Variants in SYNDIG1 observed in about 807,000 individuals in gnomAD.
The protein encoded by SYNDIG1 is synapse differentiation-inducing gene protein 1.
A neutral mutation model predicts 19.4 loss-of-function variants in SYNDIG1; 9 were observed. That is an observed-to-expected ratio of 0.46 (90% CI 0.28 to 0.81). The LOEUF (loss-of-function observed/expected upper bound fraction) is 0.81, where lower values mean the gene tolerates loss of function less well. SYNDIG1 is among the 30% of genes least tolerant of loss of function. The probability of loss-of-function intolerance (pLI) is 0.12; values close to 1 mark genes in which losing one functional copy is unlikely to be tolerated. For missense variants in SYNDIG1, 311 were observed against 343.3 expected, an observed-to-expected ratio of 0.91 and a Z score of 0.74; for synonymous variants, 141 against 145.9, an observed-to-expected ratio of 0.97 and a Z score of 0.24.
rs140037141 is a variant in SYNDIG1, at chr20:24,543,261, C to A, written c.164C>A (p.Ala55Asp). Residue 55 changes from alanine to aspartate, a missense_variant, in exon 2 of 4, where the codon GCC becomes GAC. Coordinates refer to ENST00000376862, the MANE Select transcript of SYNDIG1 (RefSeq NM_024893.3). ...APQYQSHRVG[A>D]STVPASLDSS... ...CAGTACCAGAGCCACCGGGTGGGGG[C>A]CAGCACAGTGCCGGCCAGCCTGGAC... 6.9e-5 allele frequency: 112 copies of A among 1,613,698 alleles called. No homozygotes were observed. In the African/African-American group the frequency reaches 1.3e-3, roughly 19 times the overall value.
Position 24,560,063 on chromosome 20 carries a change from C to CTTT in SYNDIG1, c.480+16512_480+16514dup, listed in dbSNP as rs60892856. On this transcript the variant is annotated intron_variant, in intron 2 of 3. Coordinates refer to ENST00000376862, the MANE Select transcript of SYNDIG1 (RefSeq NM_024893.3). ...TTTTTTTTAACATTTCTCTCCTCTC[C>CTTT]TTTTTTTTTTTTTTTTTTTTTTTTT... is the stretch of plus-strand genomic sequence containing the variant. 4.1e-3 allele frequency among the ~76,000 whole-genome samples: 178 copies of CTTT among 43,040 alleles called. 61 individuals are homozygous for CTTT. Among genetic ancestry groups the CTTT allele is most frequent in the African/African-American group, 9.1e-3 (61 of 6,694 alleles). The allele number at this position is 43,040 out of a possible 152,430, so 28.2% of individuals were successfully genotyped here.
intron 3 of SYNDIG1, among the ~76,000 whole-genome samples, chr20:24,646,258 A>T (rs1013536557): frequency 6.6e-6 from 1 of 152,178 alleles, no homozygotes; most frequent in East Asian, 1.9e-4. Flanking sequence ...GCCTATACAC[A>T]TCAGTGATTT....
chr20:24,538,274 A>T (rs2057400943), intron 1 of SYNDIG1, among the ~76,000 whole-genome samples: 1 of 152,068 alleles, frequency 6.6e-6, no homozygotes. Context: ...CACCACTCCC[A>T]TCCCCTGGAA....
chr20:24,537,814 A>T (rs2057391580), intron 1 of SYNDIG1, among the ~76,000 whole-genome samples: 1 of 152,072 alleles, frequency 6.6e-6, no homozygotes, highest in Admixed American at 6.6e-5. Flanking sequence ...TTCTGCCGTC[A>T]CCTGTGGTTC....
At position 24,506,263 on chromosome 20, in the gene SYNDIG1, G is replaced by A. The variant is rs190418466; in HGVS notation, c.-79+36510G>A. Reference sequence around the variant, plus strand: ...ATCCTTAGCAAGTTATAAGACAAGGGGCATGTGGAATAAGATGAGGTGAAA... The same window carrying A: ...ATCCTTAGCAAGTTATAAGACAAGGAGCATGTGGAATAAGATGAGGTGAAA... On this transcript the variant is annotated intron_variant, in intron 1 of 3. Transcript: ENST00000376862. Among the ~76,000 whole-genome samples, 405 of 152,254 alleles carry A rather than the reference G, an allele frequency of 2.7e-3. 10 individuals carry two copies. Among genetic ancestry groups the A allele is most frequent in the Admixed American group, 0.023 (347 of 15,294 alleles).
intron 1 of SYNDIG1, among the ~76,000 whole-genome samples, chr20:24,538,125 A>G (rs924210808): frequency 2.0e-5 from 3 of 152,192 alleles, no homozygotes; most frequent in African/African-American, 7.2e-5. Context: ...TTAGCATAAA[A>G]TCTACAATCT....
intron 1 of SYNDIG1, among the ~76,000 whole-genome samples, chr20:24,525,767 CTA>C (rs1264760916): frequency 6.6e-5 from 10 of 152,230 alleles, no homozygotes; most frequent in Middle Eastern, 3.4e-3. Context: ...TTCAAATATT[CTA>C]TGTTTTTCTT....
chr20:24,576,373 CA>C (rs2058227859), intron 2 of SYNDIG1, among the ~76,000 whole-genome samples: 2 of 152,064 alleles, frequency 1.3e-5, no homozygotes, highest in South Asian at 2.1e-4. Flanking sequence ...CGACATTGCC[CA>C]CGATTTCATT....
chr20:24,637,977 C>G (rs899188140), intron 3 of SYNDIG1, among the ~76,000 whole-genome samples: 4 of 152,260 alleles, frequency 2.6e-5, no homozygotes, highest in African/African-American at 7.2e-5. Flanking sequence ...TTGACCAAGG[C>G]CACAGCTAGT....
chr20:24,540,319 G>C (rs1364740335), intron 1 of SYNDIG1, among the ~76,000 whole-genome samples: 1 of 152,092 alleles, frequency 6.6e-6, no homozygotes, highest in Non-Finnish European at 1.5e-5. Context: ...AATCTTTAGG[G>C]TTTTCTATAT....
intron 1 of SYNDIG1, among the ~76,000 whole-genome samples, chr20:24,524,206 G>C (rs2057066980): frequency 6.6e-6 from 1 of 152,190 alleles, no homozygotes; most frequent in Admixed American, 6.5e-5. Flanking sequence ...GCATGGTTTT[G>C]ATGAAAGGTC....
intron 3 of SYNDIG1, among the ~76,000 whole-genome samples, chr20:24,656,661 C>T (rs961853928): frequency 3.3e-5 from 5 of 152,352 alleles, no homozygotes; most frequent in Middle Eastern, 3.4e-3. Context: ...AAGTGCGCCT[C>T]GCCCTCCTCA....
At chr20:24,541,416 T>C (rs889985242) in intron 1 of SYNDIG1, among the ~76,000 whole-genome samples, 7 of 152,224 alleles carry the variant, frequency 4.6e-5, no homozygotes, top group African/African-American at 1.7e-4. Flanking sequence ...AGGAGAGTTC[T>C]TACAATAGTG....
intron 3 of SYNDIG1, among the ~76,000 whole-genome samples, chr20:24,656,342 G>C (rs2059525658): frequency 6.6e-6 from 1 of 152,238 alleles, no homozygotes; most frequent in Admixed American, 6.5e-5. Flanking sequence ...ACAGTTGTCA[G>C]TCCCACTGAT....
chr20:24,529,735 G>A (rs1381191691), intron 1 of SYNDIG1, among the ~76,000 whole-genome samples: 2 of 151,154 alleles, frequency 1.3e-5, no homozygotes, highest in Non-Finnish European at 2.9e-5. Flanking sequence ...TCAGCAGTGG[G>A]GATGATGGTG....
intron 2 of SYNDIG1, among the ~76,000 whole-genome samples, chr20:24,548,265 C>T (rs2057628549): frequency 6.6e-6 from 1 of 152,136 alleles, no homozygotes; most frequent in Non-Finnish European, 1.5e-5. Context: ...GTTCTTTCTA[C>T]ATTAGGGGGA....
At chr20:24,641,430 G>A (rs978354958) in intron 3 of SYNDIG1, among the ~76,000 whole-genome samples, 1 of 152,140 alleles carries the variant, frequency 6.6e-6, no homozygotes, top group Non-Finnish European at 1.5e-5. Flanking sequence ...AAACATTGCT[G>A]AGGAAAACAG....
rs60892856 is a variant in SYNDIG1, at chr20:24,560,063, C to CTTTTTTTTTTTTTTTTTT, written c.480+16497_480+16514dup. Among the ~76,000 whole-genome samples the CTTTTTTTTTTTTTTTTTT allele has an allele frequency of 1.4e-4, 6 of 43,062 alleles. 2 individuals are homozygous for CTTTTTTTTTTTTTTTTTT. Among genetic ancestry groups the CTTTTTTTTTTTTTTTTTT allele is most frequent in the African/African-American group, 3.0e-4 (2 of 6,684 alleles). The allele number at this position is 43,062 out of a possible 152,430, so 28.3% of individuals were successfully genotyped here. A position where few individuals can be genotyped will look rare whatever the true frequency, so the allele number is the denominator to read the frequency against. Reference sequence around the variant, plus strand: ...TTTTTTTTAACATTTCTCTCCTCTCCTTTTTTTTTTTTTTTTTTTTTTTTT... The same window carrying CTTTTTTTTTTTTTTTTTT: ...TTTTTTTTAACATTTCTCTCCTCTCCTTTTTTTTTTTTTTTTTTTTTTTTTTTTTTTTTTTTTTTTTTT... On this transcript the variant is annotated intron_variant, in intron 2 of 3. Transcript: ENST00000376862.
intron 2 of SYNDIG1, among the ~76,000 whole-genome samples, chr20:24,569,109 G>T (rs547354690): frequency 6.6e-6 from 1 of 152,176 alleles, no homozygotes; most frequent in Non-Finnish European, 1.5e-5. Context: ...TCGGAAATAC[G>T]AACTCAATAA....
Sources: allele counts gnomAD v4.1 joint callset (sites outside exome capture counted in the v4.1 genomes callset), GRCh38; gene constraint gnomAD v4.1.1; transcripts MANE v1.5; gene names NCBI Gene and HGNC (gene_info 2026-07-23, HGNC 2026-07-21).